NRXN1: variants seen among roughly 807,000 people sequenced by gnomAD.
The protein encoded by NRXN1 is neurexin 1, also known as neurexin-1.
In NRXN1, 39 loss-of-function variants were observed where a neutral mutation model predicts 150.9. The ratio of observed to expected loss-of-function variants is 0.26; its 90% CI spans 0.20 to 0.34. NRXN1 has a LOEUF of 0.34. Among genes scored for constraint, NRXN1 ranks in the 10% least tolerant of loss-of-function variants. The pLI, the probability that NRXN1 is intolerant of heterozygous loss-of-function variation, is 1.00. For missense variants in NRXN1, 1,815 were observed against 1,949.9 expected (o/e 0.93, Z 1.30); for synonymous variants, 924 against 757.0 (o/e 1.22, Z -3.62).
intron 5 of NRXN1, among the ~76,000 whole-genome samples, chr2:50,729,245 A>G (rs1697781030): frequency 6.6e-6 from 1 of 152,196 alleles, no homozygotes; most frequent in Non-Finnish European, 1.5e-5. Flanking sequence ...TAATTGAATT[A>G]TTATTTCCGA....
intron 5 of NRXN1, among the ~76,000 whole-genome samples, chr2:50,730,672 C>CTTTTTTT (rs56042523): frequency 9.0e-5 from 11 of 122,020 alleles, no homozygotes; most frequent in Non-Finnish European, 1.3e-4. Flanking sequence ...TTCTTGTTTT[C>CTTTTTTT]TTTTTTTTTT....
At chr2:51,005,437 T>A (rs1700588773) in intron 2 of NRXN1, among the ~76,000 whole-genome samples, 1 of 151,972 alleles carries the variant, frequency 6.6e-6, no homozygotes. Context: ...CATTCAGTAT[T>A]ACACACAGAA....
At chr2:50,611,113 T>C (rs964976208) in intron 8 of NRXN1, among the ~76,000 whole-genome samples, 1 of 135,760 alleles carries the variant, frequency 7.4e-6, no homozygotes, top group Non-Finnish European at 1.6e-5. Flanking sequence ...CATAAGCAAA[T>C]GGAGCAATTT....
chr2:50,762,331 A>T (rs1038621981), intron 5 of NRXN1, among the ~76,000 whole-genome samples: 24 of 150,740 alleles, frequency 1.6e-4, no homozygotes, highest in East Asian at 7.9e-4. Context: ...ACTTTTTTAA[A>T]TTTTTTTTTC....
intron 17 of NRXN1, among the ~76,000 whole-genome samples, chr2:50,267,632 C>T (rs553387756): frequency 6.6e-6 from 1 of 151,992 alleles, no homozygotes; most frequent in Non-Finnish European, 1.5e-5. Context: ...CGATTTATAA[C>T]AACTAATCAA....
chr2:50,151,549 G>A lies in NRXN1; in HGVS notation c.3547-60055C>T, dbSNP rs116081795. Among the ~76,000 whole-genome samples, 336 of 151,672 alleles carry A rather than the reference G, an allele frequency of 2.2e-3. 1 individual carries two copies. Among genetic ancestry groups the A allele is most frequent in the African/African-American group, 7.4e-3 (308 of 41,430 alleles). On this transcript the variant is annotated intron_variant, in intron 18 of 22. Coordinates refer to ENST00000401669, the MANE Select transcript of NRXN1 (RefSeq NM_001330078.2). The stretch of plus-strand genomic sequence containing the variant: ...GCTTCTAGTTTCTAATGTATTTATA[G>A]GGAAAGAAACAATTGTAAACTAGTA...
chr2:50,560,459 T>TATTTATTG (rs146788159), intron 8 of NRXN1, among the ~76,000 whole-genome samples: 39,198 of 149,952 alleles, frequency 0.26, 5,616 homozygotes, highest in African/African-American at 0.37. Flanking sequence ...TTTATTTACT[T>TATTTATTG]AGAAGCCGTC....
At chr2:49,977,898 G>A (rs1486043365) in intron 21 of NRXN1, among the ~76,000 whole-genome samples, 1 of 152,088 alleles carries the variant, frequency 6.6e-6, no homozygotes, top group East Asian at 1.9e-4. Context: ...CGGGGCGGTG[G>A]CTCACCTGTA....
At chr2:50,436,568 C>A (rs950275021) in intron 17 of NRXN1, among the ~76,000 whole-genome samples, 1 of 151,946 alleles carries the variant, frequency 6.6e-6, no homozygotes, top group African/African-American at 2.4e-5. Context: ...ACTAAAATCC[C>A]ATTTTATTTT....
At position 50,497,673 on chromosome 2, in the gene NRXN1, T is replaced by A; in HGVS notation, c.2539A>T (p.Ile847Leu). 1 of 1,613,824 alleles carries A rather than the reference T, an allele frequency of 6.2e-7. No individual in the cohort carries two copies. Among genetic ancestry groups the A allele is most frequent in the South Asian group, 1.1e-5 (1 of 91,078 alleles). Residue 847 changes from isoleucine (I) to leucine (L), a missense_variant, in exon 14 of 23, where the codon ATA becomes TTA. Ile to Leu is a conservative substitution (Grantham distance 5, BLOSUM62 2). This residue lies in a region of NRXN1 where 638 missense variants were observed against 652.6 expected (regional missense o/e 0.98). Transcript: ENST00000401669. Reference sequence around the variant, plus strand: ...CGTTCTGTGATGATGCCAGTCTCTATGTTATGGAACTCCAGCCTAGTATGA... The same window carrying A: ...CGTTCTGTGATGATGCCAGTCTCTAAGTTATGGAACTCCAGCCTAGTATGA... ...GDHTRLEFHN[I>L]ETGIITERRY...
intron 8 of NRXN1, chr2:50,619,135 C>A (rs1266089817): frequency 6.6e-6 from 1 of 152,018 alleles, no homozygotes; most frequent in Non-Finnish European, 1.5e-5. Flanking sequence ...TCAGAATAAA[C>A]CAAGTACATC....
intron 17 of NRXN1, among the ~76,000 whole-genome samples, chr2:50,458,875 C>A (rs572867045): frequency 1.3e-5 from 2 of 151,940 alleles, no homozygotes; most frequent in South Asian, 2.1e-4. Flanking sequence ...TCACTGTGCC[C>A]GGCATAAAAT....
chr2:50,144,424 C>G (rs1178438637), intron 18 of NRXN1, among the ~76,000 whole-genome samples: 1 of 151,736 alleles, frequency 6.6e-6, no homozygotes, highest in Non-Finnish European at 1.5e-5. Flanking sequence ...AAAAGTGAAA[C>G]CAGAAAGCTA....
chr2:50,851,535 C>A (rs1277381888), intron 5 of NRXN1, among the ~76,000 whole-genome samples: 1 of 152,044 alleles, frequency 6.6e-6, no homozygotes, highest in Non-Finnish European at 1.5e-5. Context: ...CACTAAGGTG[C>A]CAAGTTTGTA....
chr2:50,732,665 G>A (rs1372864733), intron 5 of NRXN1, among the ~76,000 whole-genome samples: 5 of 152,022 alleles, frequency 3.3e-5, no homozygotes, highest in East Asian at 1.9e-4. Context: ...CTTTAAATCC[G>A]TATCTCAAAG....
chr2:49,943,204 T>C (rs1281577237), intron 22 of NRXN1, among the ~76,000 whole-genome samples: 1 of 152,194 alleles, frequency 6.6e-6, no homozygotes, highest in Non-Finnish European at 1.5e-5. Flanking sequence ...ATTAAAGATA[T>C]CAACGAGTCT....
chr2:50,199,165 T>C (rs893827796), intron 18 of NRXN1: 1 of 152,176 alleles, frequency 6.6e-6, no homozygotes, highest in Non-Finnish European at 1.5e-5. Flanking sequence ...TATTTCACGT[T>C]AGCTGGATGA....
intron 21 of NRXN1, among the ~76,000 whole-genome samples, chr2:50,017,792 A>T (rs1444045117): frequency 6.6e-6 from 1 of 152,168 alleles, no homozygotes; most frequent in Non-Finnish European, 1.5e-5. Context: ...ACAGCAAGTA[A>T]CAAATGATAG....
chr2:50,811,916 G>A (rs1668266592), intron 5 of NRXN1, among the ~76,000 whole-genome samples: 1 of 152,050 alleles, frequency 6.6e-6, no homozygotes, highest in African/African-American at 2.4e-5. Context: ...TCCATATTAT[G>A]TAAGATTTTG....
Sources: allele counts gnomAD v4.1 joint callset (sites outside exome capture counted in the v4.1 genomes callset), GRCh38; gene constraint gnomAD v4.1.1; regional missense constraint gnomAD v4.1.1; transcripts MANE v1.5; gene names NCBI Gene and HGNC (gene_info 2026-07-23, HGNC 2026-07-21).